Variants in MACROD2 observed in about 807,000 individuals in gnomAD.
MACROD2 encodes the protein mono-ADP ribosylhydrolase 2.
Under a neutral mutation model 70.4 loss-of-function variants are expected in MACROD2, and 36 were observed. The observed-to-expected ratio is 0.51, with a 90% confidence interval of 0.39 to 0.68. The LOEUF is 0.68. MACROD2 is among the 30% of genes least tolerant of loss of function. MACROD2 has a pLI of 0.00. For missense variants in MACROD2, 496 were observed against 538.4 expected (o/e 0.92, Z 0.78); for synonymous variants, 172 against 178.8 (o/e 0.96, Z 0.30).
intron 3 of MACROD2, among the ~76,000 whole-genome samples, chr20:14,380,579 A>G (rs1342275003): frequency 6.6e-6 from 1 of 152,144 alleles, no homozygotes; most frequent in Non-Finnish European, 1.5e-5. Context: ...TTTGGAGTTA[A>G]TATTAGTATG....
intron 4 of MACROD2, among the ~76,000 whole-genome samples, chr20:14,545,593 A>G (rs767652900): frequency 1.3e-5 from 2 of 152,316 alleles, no homozygotes; most frequent in East Asian, 3.9e-4. Flanking sequence ...GAATCATAGT[A>G]ATTAAGTAAT....
intron 3 of MACROD2, among the ~76,000 whole-genome samples, chr20:14,156,228 A>G (rs190895937): frequency 1.9e-3 from 296 of 152,282 alleles, no homozygotes; most frequent in African/African-American, 6.7e-3. Context: ...AAAATTATCT[A>G]TGCAAGCATG....
chr20:15,962,764 A>G lies in MACROD2; in HGVS notation c.908-4789A>G, dbSNP rs114945459. ...TTTTAATGGAGGTTAATGAGACCGT[A>G]ATGAAGACAAATGACCAACTATAGC... On this transcript the variant is annotated intron_variant, in intron 12 of 17. Transcript: ENST00000684519. 4.0e-3 allele frequency among the ~76,000 whole-genome samples: 608 copies of G among 152,276 alleles called. 1 individual carries two copies. The highest frequency in any genetic ancestry group is 0.014 in the African/African-American group (581 of 41,562).
At chr20:14,031,623 A>G (rs2148632099) in intron 2 of MACROD2, among the ~76,000 whole-genome samples, 1 of 152,282 alleles carries the variant, frequency 6.6e-6, no homozygotes, top group South Asian at 2.1e-4. Flanking sequence ...ACTGCTGTAC[A>G]TTTGTAGCTA....
intron 15 of MACROD2, among the ~76,000 whole-genome samples, chr20:16,035,430 C>T (rs2067221686): frequency 6.6e-6 from 1 of 151,548 alleles, no homozygotes; most frequent in Admixed American, 6.6e-5. Context: ...AGGGACTTCT[C>T]CTTTGTATAC....
At chr20:15,860,285 TA>T (rs1364941728) in intron 8 of MACROD2, among the ~76,000 whole-genome samples, 2 of 152,230 alleles carry the variant, frequency 1.3e-5, no homozygotes, top group Non-Finnish European at 2.9e-5. Context: ...TAATTTATAT[TA>T]AATGATTTTA....
At chr20:15,485,335 T>G (rs1376524298) in intron 7 of MACROD2, among the ~76,000 whole-genome samples, 1 of 138,424 alleles carries the variant, frequency 7.2e-6, no homozygotes, top group East Asian at 2.2e-4. Context: ...CCCAAAGAGG[T>G]CCATCAAAGT....
chr20:15,937,107 G>A (rs936912138), intron 11 of MACROD2, among the ~76,000 whole-genome samples: 1 of 152,134 alleles, frequency 6.6e-6, no homozygotes, highest in Non-Finnish European at 1.5e-5. Flanking sequence ...GCACATAAAA[G>A]CACTTTGTAG....
chr20:15,845,259 G>C (rs375145802), intron 8 of MACROD2, among the ~76,000 whole-genome samples: 6 of 152,080 alleles, frequency 3.9e-5, no homozygotes, highest in African/African-American at 9.7e-5. Context: ...AAGAATCTCT[G>C]ATCACCTCCA....
rs553623838 is a variant in MACROD2, at chr20:15,661,544, G to A, written c.645+161697G>A. On this transcript the variant is annotated intron_variant, in intron 8 of 17. Transcript: ENST00000684519. Reference sequence around the variant, plus strand: ...TGTAGAACACTGTCAAGCCATTCACGAGGGAACAGTCCTAAAAGCCCAAAC... The same window carrying A: ...TGTAGAACACTGTCAAGCCATTCACAAGGGAACAGTCCTAAAAGCCCAAAC... 5.3e-5 allele frequency among the ~76,000 whole-genome samples: 8 copies of A among 152,254 alleles called. No individual in the cohort carries two copies. In the South Asian group the frequency reaches 8.3e-4, roughly 16 times the overall value.
chr20:15,778,606 G>T (rs7267975), intron 8 of MACROD2, among the ~76,000 whole-genome samples: 22 of 151,966 alleles, frequency 1.4e-4, no homozygotes, highest in African/African-American at 5.3e-4. Context: ...TACCTGTGTA[G>T]GCAAAAACTT....
rs762539167 is a variant in MACROD2, at chr20:14,327,410, A to G, written c.272-166069A>G. On this transcript the variant is annotated intron_variant, in intron 3 of 17. Transcript: ENST00000684519. ...AAACCCGCATCGCAGCGACACACAGATGGACAGGATTTAGCCATAACTGAT... is the reference window on the plus strand; with the variant it reads ...AAACCCGCATCGCAGCGACACACAGGTGGACAGGATTTAGCCATAACTGAT... The G allele has an allele frequency of 1.9e-5, 31 of 1,613,576 alleles. No homozygotes were observed. The East Asian group carries it at 2.0e-4, about 10-fold the overall frequency.
chr20:14,977,937 C>A (rs2074756929), intron 5 of MACROD2, among the ~76,000 whole-genome samples: 1 of 152,004 alleles, frequency 6.6e-6, no homozygotes, highest in Non-Finnish European at 1.5e-5. Flanking sequence ...AAACACCATT[C>A]AAAAATCCTT....
intron 5 of MACROD2, among the ~76,000 whole-genome samples, chr20:14,840,794 A>C (rs1440573420): frequency 6.6e-6 from 1 of 152,084 alleles, no homozygotes; most frequent in Non-Finnish European, 1.5e-5. Context: ...CTTATCTGAA[A>C]GCTCATCACA....
At chr20:14,923,286 C>T (rs774719879) in intron 5 of MACROD2, among the ~76,000 whole-genome samples, 2 of 152,232 alleles carry the variant, frequency 1.3e-5, no homozygotes, top group African/African-American at 2.4e-5. Flanking sequence ...AGCTAGATTC[C>T]GGGCTTTGTA....
chr20:15,755,055 C>T (rs754725195), intron 8 of MACROD2, among the ~76,000 whole-genome samples: 6 of 152,080 alleles, frequency 3.9e-5, no homozygotes, highest in African/African-American at 9.7e-5. Context: ...GATGAGGTTT[C>T]GCCATGTTGG....
intron 5 of MACROD2, among the ~76,000 whole-genome samples, chr20:15,034,385 T>G (rs965472844): frequency 3.3e-5 from 5 of 152,162 alleles, no homozygotes; most frequent in African/African-American, 1.2e-4. Context: ...AGGTGAATTT[T>G]AAGACTGCAA....
intron 6 of MACROD2, among the ~76,000 whole-genome samples, chr20:15,316,420 C>T (rs897334145): frequency 6.6e-6 from 1 of 151,912 alleles, no homozygotes. Context: ...GCAAAATGAT[C>T]TTTTAGTCAA....
intron 5 of MACROD2, among the ~76,000 whole-genome samples, chr20:15,157,014 A>G (rs923512981): frequency 1.3e-5 from 2 of 152,228 alleles, no homozygotes; most frequent in African/African-American, 4.8e-5. Context: ...AATATGTTAC[A>G]ATTTCCTAGT....
Sources: allele counts gnomAD v4.1 joint callset (sites outside exome capture counted in the v4.1 genomes callset), GRCh38; gene constraint gnomAD v4.1.1; transcripts MANE v1.5; gene names NCBI Gene and HGNC (gene_info 2026-07-23, HGNC 2026-07-21).